The following GPHN variants were observed in gnomAD, a reference collection of about 807,000 sequenced individuals.
GPHN encodes gephyrin.
Under a neutral mutation model 95.5 loss-of-function variants are expected in GPHN, and 17 were observed. The ratio of observed to expected loss-of-function variants is 0.18; its 90% CI spans 0.12 to 0.27. GPHN has a LOEUF of 0.27. Ranked by LOEUF, GPHN falls within the 10% of genes least tolerant of loss-of-function variation. The pLI is 1.00. For synonymous variants in GPHN, 320 were observed against 322.5 expected (o/e 0.99, Z 0.08); for missense variants, 660 against 978.1 (o/e 0.67, Z 4.34).
the GPHN span, among the ~76,000 whole-genome samples, chr14:67,277,524 C>T: frequency 6.6e-6 from 1 of 152,040 alleles, no homozygotes; most frequent in Non-Finnish European, 1.5e-5. Context: ...TGTGCTCTAA[C>T]CAACTTGTTT....
At chr14:67,620,138 A>C in the GPHN span, 1 of 1,348,090 alleles carries the variant, frequency 7.4e-7, no homozygotes, top group Non-Finnish European at 1.0e-6. Context: ...GCCCCCTAGA[A>C]CCTGGAGACA....
intron 9 of GPHN, among the ~76,000 whole-genome samples, chr14:67,010,553 G>GA (rs529841338): frequency 0.021 from 1,000 of 47,944 alleles, 9 homozygotes; most frequent in African/African-American, 0.051. Flanking sequence ...CTCTGTCTCA[G>GA]AAAAAAAAAA....
the GPHN span, chr14:67,571,389 C>A: frequency 4.8e-6 from 1 of 209,674 alleles, no homozygotes; most frequent in Non-Finnish European, 9.9e-6. Flanking sequence ...GAGATGCAAT[C>A]ATTGATTGTT....
chr14:67,659,819 CG>C, the GPHN span: 1 of 1,614,034 alleles, frequency 6.2e-7, no homozygotes, highest in Admixed American at 1.7e-5. Flanking sequence ...TCTCACCTCC[CG>C]ATGGAGTTTA....
At chr14:67,022,594 T>A (rs1594845252) in intron 9 of GPHN, among the ~76,000 whole-genome samples, 1 of 137,590 alleles carries the variant, frequency 7.3e-6, no homozygotes, top group South Asian at 2.4e-4. Flanking sequence ...TGTGTGTGTG[T>A]GTGTGTGTGT....
the GPHN span, chr14:67,663,101 A>G: frequency 4.0e-6 from 6 of 1,512,872 alleles, no homozygotes; most frequent in African/African-American, 8.3e-5. Context: ...GACTTGAACG[A>G]TGAGAACGTT....
chr14:66,606,248 A>C (rs1485898714), intron 1 of GPHN, among the ~76,000 whole-genome samples: 4 of 152,130 alleles, frequency 2.6e-5, no homozygotes. Flanking sequence ...TTGAACAGGG[A>C]GTCCTTTCCT....
the GPHN span, among the ~76,000 whole-genome samples, chr14:67,288,018 A>C: frequency 6.6e-6 from 1 of 152,150 alleles, no homozygotes; most frequent in Non-Finnish European, 1.5e-5. Context: ...TGTTGATTTC[A>C]GTCAGTGGTG....
intron 2 of GPHN, among the ~76,000 whole-genome samples, chr14:66,754,351 T>C (rs891123430): frequency 2.0e-5 from 3 of 152,026 alleles, no homozygotes; most frequent in African/African-American, 7.2e-5. Flanking sequence ...CTGATAGTAA[T>C]TTAATTATAC....
At chr14:67,507,248 C>T in the GPHN span, among the ~76,000 whole-genome samples, 5 of 152,164 alleles carry the variant, frequency 3.3e-5, no homozygotes, top group African/African-American at 1.2e-4. Flanking sequence ...ACTTGGGAGG[C>T]TGAAGTGGGA....
intron 2 of GPHN, among the ~76,000 whole-genome samples, chr14:66,748,525 C>T (rs2058247219): frequency 6.6e-6 from 1 of 151,894 alleles, no homozygotes. Context: ...ATTGACGTAT[C>T]ATTATTACCC....
the GPHN span, among the ~76,000 whole-genome samples, chr14:67,284,549 A>T: frequency 1.5e-5 from 1 of 64,630 alleles, no homozygotes; most frequent in East Asian, 6.3e-4. Flanking sequence ...TGCAGTGCTA[A>T]AAAAAAAAAA....
intron 1 of GPHN, among the ~76,000 whole-genome samples, chr14:66,511,214 A>G (rs1418607766): frequency 6.6e-6 from 1 of 152,174 alleles, no homozygotes; most frequent in African/African-American, 2.4e-5. Context: ...AAGAACTTAC[A>G]AAAATGAAGC....
At chr14:66,641,522 A>G (rs898626142) in intron 1 of GPHN, among the ~76,000 whole-genome samples, 1 of 152,168 alleles carries the variant, frequency 6.6e-6, no homozygotes, top group Non-Finnish European at 1.5e-5. Context: ...CTGCATGCAC[A>G]TAGTGAGATA....
intron 2 of GPHN, among the ~76,000 whole-genome samples, chr14:66,757,398 T>C (rs1027997958): frequency 2.0e-5 from 3 of 152,004 alleles, no homozygotes; most frequent in African/African-American, 4.8e-5. Context: ...ATTGCATTTA[T>C]TGATTGATTG....
chr14:67,572,787 C>T, the GPHN span, among the ~76,000 whole-genome samples: 1 of 152,194 alleles, frequency 6.6e-6, no homozygotes, highest in East Asian at 1.9e-4. Flanking sequence ...CGCCCCACAC[C>T]TCTCTGCTGC....
At chr14:67,204,872 T>C in the GPHN span, 1 of 1,613,934 alleles carries the variant, frequency 6.2e-7, no homozygotes, top group Non-Finnish European at 8.5e-7. Flanking sequence ...AGGGACAGCA[T>C]AGATTTCCCA....
chr14:67,122,429 T>C, intron 17 of GPHN, 52 bp downstream of exon 17: 1 of 1,521,286 alleles, frequency 6.6e-7, no homozygotes, highest in South Asian at 1.1e-5. Context: ...ATACGAGTTT[T>C]TGGAATACTC....
At chr14:67,662,808 G>A in the GPHN span, among the ~76,000 whole-genome samples, 1 of 150,858 alleles carries the variant, frequency 6.6e-6, no homozygotes, top group East Asian at 2.0e-4. Context: ...GGAGGCAGAG[G>A]TAGAGAAATG....
Sources: allele counts gnomAD v4.1 joint callset (sites outside exome capture counted in the v4.1 genomes callset), GRCh38; gene constraint gnomAD v4.1.1; transcripts MANE v1.5; gene names NCBI Gene and HGNC (gene_info 2026-07-23, HGNC 2026-07-21).